AIG1: variants seen among roughly 807,000 people sequenced by gnomAD.
AIG1 encodes the protein androgen-induced gene 1 protein.
In AIG1, 23 loss-of-function variants were observed where a neutral mutation model predicts 31.4. The observed-to-expected ratio is 0.73, with a 90% confidence interval of 0.53 to 1.04. The LOEUF is 1.04. Among genes scored for constraint, AIG1 ranks in the 50% least tolerant of loss-of-function variants. The pLI, the probability that AIG1 is intolerant of heterozygous loss-of-function variation, is 0.00. For missense variants in AIG1, 274 were observed against 295.0 expected (o/e 0.93, Z 0.52); for synonymous variants, 100 against 110.5 (o/e 0.90, Z 0.60).
intron 1 of AIG1, among the ~76,000 whole-genome samples, chr6:143,077,518 T>A (rs1266487389): frequency 6.6e-6 from 1 of 152,260 alleles, no homozygotes; most frequent in Non-Finnish European, 1.5e-5. Flanking sequence ...TGTGTCACTG[T>A]CATCTAGCCT....
At chr6:143,295,848 A>G (rs979663492) in intron 4 of AIG1, among the ~76,000 whole-genome samples, 1 of 152,160 alleles carries the variant, frequency 6.6e-6, no homozygotes, top group African/African-American at 2.4e-5. Flanking sequence ...CTAGAGCAAG[A>G]AAGAGAATTA....
intron 1 of AIG1, among the ~76,000 whole-genome samples, chr6:143,128,245 C>A (rs1210835000): frequency 2.6e-5 from 4 of 151,910 alleles, no homozygotes; most frequent in Non-Finnish European, 5.9e-5. Context: ...TCCATACTTG[C>A]GAAAATGAAT....
chr6:143,264,791 T>C (rs1415325101), intron 3 of AIG1, among the ~76,000 whole-genome samples: 1 of 152,194 alleles, frequency 6.6e-6, no homozygotes, highest in Non-Finnish European at 1.5e-5. Flanking sequence ...TACTGCTCTC[T>C]GCTGAAAATA....
intron 4 of AIG1, among the ~76,000 whole-genome samples, chr6:143,304,462 T>C (rs1388769243): frequency 6.6e-6 from 1 of 152,168 alleles, no homozygotes; most frequent in Non-Finnish European, 1.5e-5. Context: ...TCAAAGGCCT[T>C]TTCTGCATCT....
At chr6:143,271,141 A>C (rs1051828731) in intron 3 of AIG1, among the ~76,000 whole-genome samples, 1 of 152,250 alleles carries the variant, frequency 6.6e-6, no homozygotes, top group African/African-American at 2.4e-5. Context: ...TGCAGATGTC[A>C]GTGCAGAGAT....
chr6:143,061,097 G>A (rs756787060), intron 1 of AIG1, 31 bp downstream of exon 1: 32 of 1,605,518 alleles, frequency 2.0e-5, no homozygotes, highest in Non-Finnish European at 2.6e-5. Flanking sequence ...TGCTCGCCCC[G>A]CACCCCGTGC....
At chr6:143,117,224 G>C (rs1176066011) in intron 1 of AIG1, among the ~76,000 whole-genome samples, 1 of 152,108 alleles carries the variant, frequency 6.6e-6, no homozygotes, top group Non-Finnish European at 1.5e-5. Context: ...GGTGCAGTTA[G>C]GGGGAAGTGG....
chr6:143,112,319 G>C (rs755021565), intron 1 of AIG1, among the ~76,000 whole-genome samples: 13 of 152,178 alleles, frequency 8.5e-5, no homozygotes, highest in Non-Finnish European at 1.5e-4. Flanking sequence ...CCTTGGTTAT[G>C]TCATGCTCTA....
intron 1 of AIG1, among the ~76,000 whole-genome samples, chr6:143,127,787 A>C (rs1409928856): frequency 6.6e-6 from 1 of 151,946 alleles, no homozygotes; most frequent in Non-Finnish European, 1.5e-5. Context: ...TCCCATGTTC[A>C]AGTGATTCTT....
At chr6:143,096,013 TCTC>T (rs1779750108) in intron 1 of AIG1, among the ~76,000 whole-genome samples, 1 of 151,592 alleles carries the variant, frequency 6.6e-6, no homozygotes, top group African/African-American at 2.4e-5. Context: ...TTCAAGCTAT[TCTC>T]CTGCCTCAGC....
At chr6:143,092,518 C>G (rs1406510203) in intron 1 of AIG1, among the ~76,000 whole-genome samples, 1 of 152,158 alleles carries the variant, frequency 6.6e-6, no homozygotes, top group Non-Finnish European at 1.5e-5. Flanking sequence ...CATTAATTTT[C>G]CTTTACATCT....
chr6:143,293,552 G>A lies in AIG1; in HGVS notation c.515+9327G>A, dbSNP rs1035767707. Among the ~76,000 whole-genome samples, 5 of 152,116 alleles carry A rather than the reference G, an allele frequency of 3.3e-5. No individual in the cohort carries two copies. Among genetic ancestry groups the A allele is most frequent in the African/African-American group, 1.2e-4 (5 of 41,404 alleles). ...CCTTGGTGCCTGAGAATGTCCACTT[G>A]GGTGTTGGTCAAATCAGCTTCTTAG... is the stretch of plus-strand genomic sequence containing the variant. On this transcript the variant is annotated intron_variant, in intron 4 of 5. Transcript: ENST00000357847. This position sits in a 1 kb window ranked among gnomAD's most constrained non-coding sequence, Gnocchi z 4.8.
chr6:143,144,377 T>G (rs983321895), intron 2 of AIG1, among the ~76,000 whole-genome samples: 4 of 152,198 alleles, frequency 2.6e-5, no homozygotes, highest in African/African-American at 9.7e-5. Flanking sequence ...TTTCACAGCC[T>G]AGGGAGGGTG....
At chr6:143,260,445 A>G (rs1409585751) in intron 3 of AIG1, among the ~76,000 whole-genome samples, 1 of 152,168 alleles carries the variant, frequency 6.6e-6, no homozygotes, top group Non-Finnish European at 1.5e-5. Context: ...TCCTTTGGAA[A>G]CCAGTAAATT....
intron 3 of AIG1, among the ~76,000 whole-genome samples, chr6:143,208,793 T>C (rs1387538708): frequency 6.6e-6 from 1 of 152,060 alleles, no homozygotes; most frequent in Non-Finnish European, 1.5e-5. Context: ...TCACTTTCCT[T>C]ATCTGGAAAA....
At position 143,224,937 on chromosome 6, in the gene AIG1, C is replaced by T. The variant is rs1253247039; in HGVS notation, c.400-59173C>T. The stretch of plus-strand genomic sequence containing the variant: ...CCACATCTCTTAAACCATTCTCTGC[C>T]TCAAGACCCCTTAATGAGTGCCCAT... On this transcript the variant is annotated intron_variant, in intron 3 of 5. Coordinates refer to ENST00000357847, the MANE Select transcript of AIG1 (RefSeq NM_016108.4). 3.9e-5 allele frequency among the ~76,000 whole-genome samples: 6 copies of T among 152,306 alleles called. No homozygotes were observed. The East Asian group carries it at 1.2e-3, about 29-fold the overall frequency.
intron 1 of AIG1, among the ~76,000 whole-genome samples, chr6:143,075,477 G>C (rs1447008126): frequency 6.6e-6 from 1 of 151,868 alleles, no homozygotes; most frequent in Admixed American, 6.6e-5. Context: ...ACAATTTTTT[G>C]TACTTTTTGG....
chr6:143,240,901 C>T (rs373779747), intron 3 of AIG1, among the ~76,000 whole-genome samples: 1 of 152,072 alleles, frequency 6.6e-6, no homozygotes. Flanking sequence ...CTATGAGTAT[C>T]TGACTTAAAG....
chr6:143,184,635 A>G lies in AIG1; in HGVS notation c.399+19452A>G, dbSNP rs1035895931. ...CGGCCCCAGCTTCCTCATGTCCACC[A>G]TGTCTGCTTTAGTTTAAGATTTGGT... On this transcript the variant is annotated intron_variant, in intron 3 of 5. Transcript: ENST00000357847. 2.0e-5 allele frequency among the ~76,000 whole-genome samples: 3 copies of G among 152,244 alleles called. 1 individual carries two copies. The highest frequency in any genetic ancestry group is 4.1e-4 in the South Asian group (2 of 4,820).
Sources: gnomAD v4.1 joint callset for allele counts (sites outside exome capture counted in the v4.1 genomes callset) on GRCh38, gnomAD v4.1.1 for gene constraint, Gnocchi (gnomAD v3.1) non-coding constraint, MANE v1.5 for transcripts, NCBI Gene and HGNC (gene_info 2026-07-23, HGNC 2026-07-21) for gene names.